Variants in PCDHA7 observed in about 807,000 individuals in gnomAD.
The protein encoded by PCDHA7 is protocadherin alpha-7.
A neutral mutation model predicts 57.2 loss-of-function variants in PCDHA7; 37 were observed. That is an observed-to-expected ratio of 0.65 (90% confidence interval 0.50 to 0.85). PCDHA7 has a LOEUF of 0.85. PCDHA7 is among the 40% of genes least tolerant of loss of function. PCDHA7 has a pLI of 0.00. For synonymous variants in PCDHA7, 553 were observed against 558.8 expected, an observed-to-expected ratio of 0.99 and a Z score of 0.15; for missense variants, 1,188 against 1,241.8, an observed-to-expected ratio of 0.96 and a Z score of 0.65.
chr5:140,933,166 T>C (rs1447932546), intron 1 of PCDHA7, among the ~76,000 whole-genome samples: 1 of 152,002 alleles, frequency 6.6e-6, no homozygotes, highest in African/African-American at 2.4e-5. Context: ...CCAATTTTAA[T>C]TGATGGCATA....
rs1780817740 is a variant in PCDHA7 at position 140,847,024 on chromosome 5, AAG to A, written c.2355+10290_2355+10291del. Among the ~76,000 whole-genome samples, 2 of 149,770 alleles carry A rather than the reference AAG, an allele frequency of 1.3e-5. 1 individual carries two copies. Among genetic ancestry groups the A allele is most frequent in the Non-Finnish European group, 3.0e-5 (2 of 66,958 alleles). The stretch of plus-strand genomic sequence containing the variant: ...TTGAGAATGATAGACATTTCTTGGA[AAG>A]AGAAAACATAAGGAAAGTTGAAGAC... On this transcript the variant is annotated intron_variant, in intron 1 of 3. Coordinates refer to ENST00000525929, the MANE Select transcript of PCDHA7 (RefSeq NM_018910.3).
intron 1 of PCDHA7, chr5:140,852,294 C>T (rs1467732169): frequency 2.1e-6 from 1 of 469,886 alleles, no homozygotes; most frequent in Non-Finnish European, 2.9e-6. Flanking sequence ...TTTTATTTTT[C>T]TGAGACGGAG....
At chr5:140,926,391 A>G (rs76822698) in intron 1 of PCDHA7, 1 of 152,346 alleles carries the variant, frequency 6.6e-6, no homozygotes, top group East Asian at 1.9e-4. Context: ...GGGCTCAGCC[A>G]CAGTTATCAG....
intron 1 of PCDHA7, among the ~76,000 whole-genome samples, chr5:140,921,992 C>A (rs963694302): frequency 6.6e-6 from 1 of 151,842 alleles, no homozygotes; most frequent in South Asian, 2.1e-4. Context: ...AAAAAGAGTT[C>A]AATGAAATGA....
intron 1 of PCDHA7, among the ~76,000 whole-genome samples, chr5:140,873,786 G>A (rs1354744282): frequency 3.3e-5 from 5 of 152,056 alleles, no homozygotes; most frequent in Non-Finnish European, 7.4e-5. Flanking sequence ...TCAGCTTTCC[G>A]AGAAGCTGGG....
At chr5:140,986,899 C>G (rs2097217128) in intron 3 of PCDHA7, among the ~76,000 whole-genome samples, 1 of 152,072 alleles carries the variant, frequency 6.6e-6, no homozygotes, top group African/African-American at 2.4e-5. Flanking sequence ...AGGCCCTATC[C>G]TAGACTAATG....
At chr5:140,973,886 T>C (rs887432391) in intron 1 of PCDHA7, among the ~76,000 whole-genome samples, 2 of 152,242 alleles carry the variant, frequency 1.3e-5, no homozygotes, top group African/African-American at 4.8e-5. Flanking sequence ...TAATGTCAAT[T>C]TGCAAATGTT....
rs80155737 is a variant in PCDHA7, at chr5:140,924,458, T to C, written c.2356-54491T>C. Among the ~76,000 whole-genome samples, 1,228 of 152,310 alleles carry C rather than the reference T, an allele frequency of 8.1e-3. 6 individuals are homozygous for C. Among genetic ancestry groups the C allele is most frequent in the African/African-American group, 0.019 (794 of 41,566 alleles). On this transcript the variant is annotated intron_variant, in intron 1 of 3. Coordinates refer to ENST00000525929, the MANE Select transcript of PCDHA7 (RefSeq NM_018910.3). The stretch of plus-strand genomic sequence containing the variant: ...GAGATAACGAATGGGTTTGTGTGTT[T>C]AGGGAGGTAACTGGTTTTTAGTGGA...
chr5:140,909,856 C>T (rs575107041), intron 1 of PCDHA7, among the ~76,000 whole-genome samples: 2 of 152,286 alleles, frequency 1.3e-5, no homozygotes, highest in South Asian at 2.1e-4. Context: ...TTTTCGGTCC[C>T]CTGGAGTCAA....
At chr5:140,871,265 G>C in intron 1 of PCDHA7, 1 of 1,613,978 alleles carries the variant, frequency 6.2e-7, no homozygotes, top group South Asian at 1.1e-5. Flanking sequence ...ACGGCGCTGT[G>C]GTGGTCGGCA....
chr5:140,858,019 G>C (rs377389644), intron 1 of PCDHA7: 2 of 1,596,850 alleles, frequency 1.3e-6, no homozygotes, highest in Non-Finnish European at 1.7e-6. Flanking sequence ...GCGAGCCGTC[G>C]CTGACGGCCA....
intron 1 of PCDHA7, among the ~76,000 whole-genome samples, chr5:140,885,485 TTC>T (rs1412041657): frequency 1.3e-5 from 2 of 152,188 alleles, no homozygotes; most frequent in Admixed American, 6.5e-5. Context: ...GTGTCAAGTG[TTC>T]TGTTATCTTC....
chr5:140,981,940 T>A (rs2096958372), intron 2 of PCDHA7, among the ~76,000 whole-genome samples: 1 of 152,160 alleles, frequency 6.6e-6, no homozygotes, highest in Non-Finnish European at 1.5e-5. Flanking sequence ...TCAGGAAATA[T>A]AGGGTGGGTC....
chr5:140,969,454 A>T, intron 1 of PCDHA7: 1 of 1,511,824 alleles, frequency 6.6e-7, no homozygotes. Flanking sequence ...AACTGAGTAT[A>T]TATAGTATCC....
intron 1 of PCDHA7, chr5:140,870,600 C>T (rs2052205241): frequency 6.2e-7 from 1 of 1,613,338 alleles, no homozygotes. Context: ...GGCGGTTGGG[C>T]GACCGCGCGC....
intron 1 of PCDHA7, among the ~76,000 whole-genome samples, chr5:140,917,333 G>GC (rs1401985588): frequency 2.7e-5 from 4 of 148,632 alleles, no homozygotes; most frequent in African/African-American, 7.4e-5. Flanking sequence ...GCGGGGGAGG[G>GC]GGGGGATGGT....
chr5:140,929,272 T>C (rs560527071), intron 1 of PCDHA7: 1 of 1,607,152 alleles, frequency 6.2e-7, no homozygotes. Flanking sequence ...TTTGCCAATA[T>C]CCTGTATTCA....
chr5:140,841,559 C>A, intron 1 of PCDHA7: 1 of 1,613,852 alleles, frequency 6.2e-7, no homozygotes, highest in Non-Finnish European at 8.5e-7. Flanking sequence ...GGTAAGTCTG[C>A]AGAATGGCAT....
rs2098420479 is a variant in PCDHA7, at chr5:141,011,408, T to TAC, written c.*1472_*1473insCA. 6.5e-6 allele frequency: 1 copy of TAC among 153,814 alleles called. No individual in the cohort carries two copies. The highest frequency in any genetic ancestry group is 2.4e-5 in the African/African-American group (1 of 41,476). 9.5% of individuals were successfully genotyped at this position (153,814 alleles called of 1,614,324 possible). ...GAAATATACTTACTCTGTGCTTGTG[T>TAC]ATGTGAATGTTAATGCAACTATTAC... On this transcript the variant is annotated 3_prime_UTR_variant, in exon 4 of 4. Coordinates refer to ENST00000525929, the MANE Select transcript of PCDHA7 (RefSeq NM_018910.3).
Sources: allele counts gnomAD v4.1 joint callset (sites outside exome capture counted in the v4.1 genomes callset), GRCh38; gene constraint gnomAD v4.1.1; transcripts MANE v1.5; gene names NCBI Gene and HGNC (gene_info 2026-07-23, HGNC 2026-07-21).